PTPRT: variants seen among roughly 807,000 people sequenced by gnomAD.
PTPRT encodes receptor-type tyrosine-protein phosphatase T.
Under a neutral mutation model 176.8 loss-of-function variants are expected in PTPRT, and 56 were observed. The observed-to-expected ratio is 0.32, with a 90% CI of 0.26 to 0.40. PTPRT has a LOEUF of 0.40. PTPRT is among the 10% of genes least tolerant of loss of function. The pLI is 1.00. For missense variants in PTPRT, 1,540 were observed against 1,908.2 expected (o/e 0.81, Z 3.60); for synonymous variants, 783 against 739.0 (o/e 1.06, Z -0.96).
At chr20:42,561,307 T>A (rs916949894) in intron 7 of PTPRT, among the ~76,000 whole-genome samples, 2 of 152,170 alleles carry the variant, frequency 1.3e-5, no homozygotes, top group African/African-American at 4.8e-5. Flanking sequence ...AGTCCCTGCA[T>A]AGGGCTGAGG....
intron 27 of PTPRT, among the ~76,000 whole-genome samples, chr20:42,086,180 C>G (rs1200690708): frequency 6.6e-6 from 1 of 152,098 alleles, no homozygotes. Context: ...CTCGGGTGAT[C>G]CACCTGTCCC....
At chr20:42,197,373 C>A (rs1405363199) in intron 16 of PTPRT, among the ~76,000 whole-genome samples, 6 of 27,646 alleles carry the variant, frequency 2.2e-4, no homozygotes, top group Non-Finnish European at 3.3e-4. Context: ...AGTGAGACTC[C>A]ATCAAAAAAA....
At chr20:42,495,417 G>A (rs1486203092) in intron 7 of PTPRT, among the ~76,000 whole-genome samples, 1 of 152,138 alleles carries the variant, frequency 6.6e-6, no homozygotes, top group Non-Finnish European at 1.5e-5. Flanking sequence ...GGGCTGGAAA[G>A]TGGAGGAGTC....
chr20:42,170,591 CT>C (rs1486419318), intron 16 of PTPRT, among the ~76,000 whole-genome samples: 2 of 152,068 alleles, frequency 1.3e-5, no homozygotes, highest in Non-Finnish European at 2.9e-5. Flanking sequence ...AAGCAACAGG[CT>C]TGTGGAGAAT....
At chr20:42,162,073 T>C (rs1251153802) in intron 16 of PTPRT, among the ~76,000 whole-genome samples, 1 of 152,154 alleles carries the variant, frequency 6.6e-6, no homozygotes, top group African/African-American at 2.4e-5. Flanking sequence ...CTGGGAAGAA[T>C]TGGGGCTAGT....
chr20:42,052,061 G>A, the PTPRT span, among the ~76,000 whole-genome samples: 2 of 152,268 alleles, frequency 1.3e-5, no homozygotes, highest in African/African-American at 2.4e-5. Flanking sequence ...TTAGACTCCC[G>A]GTGCTGACTG....
At chr20:42,525,860 C>T (rs1302522340) in intron 7 of PTPRT, among the ~76,000 whole-genome samples, 1 of 152,110 alleles carries the variant, frequency 6.6e-6, no homozygotes, top group Non-Finnish European at 1.5e-5. Context: ...GGACCATATT[C>T]CTGAAATTGT....
rs1297513655 is a variant in PTPRT at position 42,074,724 on chromosome 20, CT to C, written c.*6154del. On this transcript the variant is annotated 3_prime_UTR_variant, in exon 31 of 31. Coordinates refer to ENST00000373187, the MANE Select transcript of PTPRT (RefSeq NM_007050.6). ...AGTGTTGATGCCTCCTTTTAGAGAC[CT>C]AACATTCATGAGTGGATTTCAGTTG... The C allele has an allele frequency of 2.5e-6, 1 of 398,370 alleles. No individual in the cohort carries two copies. The highest frequency in any genetic ancestry group is 2.1e-5 in the African/African-American group (1 of 48,580). 24.7% of individuals were successfully genotyped at this position (398,370 alleles called of 1,614,324 possible). A position where few individuals can be genotyped will look rare whatever the true frequency, so the allele number is the denominator to read the frequency against.
chr20:42,872,730 A>G (rs2078866479), intron 2 of PTPRT, among the ~76,000 whole-genome samples: 1 of 152,222 alleles, frequency 6.6e-6, no homozygotes, highest in Non-Finnish European at 1.5e-5. Flanking sequence ...AGGTCCAGGG[A>G]GGGATGATGT....
At position 42,076,733 on chromosome 20, in the gene PTPRT, C is replaced by A; in HGVS notation, c.*4146G>T. The A allele has an allele frequency of 5.0e-6, 1 of 198,480 alleles. No homozygotes were observed. 12.3% of individuals were successfully genotyped at this position (198,480 alleles called of 1,614,324 possible). The stretch of plus-strand genomic sequence containing the variant: ...ACAGAACAACATGAGGAACAGAGCA[C>A]ATTTTTTTTTGAAATATTCATAGAG... On this transcript the variant is annotated 3_prime_UTR_variant, in exon 31 of 31. Transcript: ENST00000373187.
intron 1 of PTPRT, among the ~76,000 whole-genome samples, chr20:43,080,133 C>A (rs532505159): frequency 6.6e-6 from 1 of 152,342 alleles, no homozygotes; most frequent in East Asian, 1.9e-4. Context: ...TGACATCAGA[C>A]TTGGCCATGT....
chr20:42,041,228 G>C, the PTPRT span, among the ~76,000 whole-genome samples: 2 of 152,022 alleles, frequency 1.3e-5, no homozygotes, highest in Non-Finnish European at 2.9e-5. Context: ...TTCTCTCTCC[G>C]GCCCTGTGAC....
intron 7 of PTPRT, among the ~76,000 whole-genome samples, chr20:42,530,537 T>C (rs750070546): frequency 1.3e-5 from 2 of 152,230 alleles, no homozygotes; most frequent in African/African-American, 2.4e-5. Context: ...AGGAAGTGGC[T>C]TTTGGGATCA....
intron 7 of PTPRT, among the ~76,000 whole-genome samples, chr20:42,621,304 C>A (rs770012163): frequency 1.2e-4 from 18 of 152,206 alleles, no homozygotes; most frequent in Non-Finnish European, 2.2e-4. Context: ...TGGCTCCTTT[C>A]CATTAGCATT....
intron 11 of PTPRT, among the ~76,000 whole-genome samples, chr20:42,330,416 C>G (rs1460870820): frequency 6.6e-6 from 1 of 152,062 alleles, no homozygotes; most frequent in Non-Finnish European, 1.5e-5. Flanking sequence ...GCAGAGGTTA[C>G]AGTGAGCCAG....
In PTPRT at chr20:42,770,850, C is replaced by G. The variant is rs1600719236; in HGVS notation, c.684+585G>C. Among the ~76,000 whole-genome samples the G allele has an allele frequency of 2.0e-5, 3 of 152,284 alleles. No homozygotes were observed. The East Asian group carries it at 5.8e-4, about 29-fold the overall frequency. On this transcript the variant is annotated intron_variant, in intron 5 of 30. Transcript: ENST00000373187. ...ATAGTTACAAATTCTAGTTCTGGAA[C>G]TTTTAGGTTTTGGTCTGGGTTTCTG...
intron 7 of PTPRT, among the ~76,000 whole-genome samples, chr20:42,631,038 G>A (rs917708781): frequency 1.3e-5 from 2 of 152,048 alleles, no homozygotes; most frequent in Non-Finnish European, 2.9e-5. Context: ...AAAAATCCTC[G>A]CCTAATAAAA....
intron 6 of PTPRT, among the ~76,000 whole-genome samples, chr20:42,678,405 A>G (rs1460986622): frequency 6.6e-6 from 1 of 152,102 alleles, no homozygotes; most frequent in Non-Finnish European, 1.5e-5. Flanking sequence ...GGTTCAAGCA[A>G]TTCTCATGCC....
chr20:42,165,597 G>A (rs988111279), intron 16 of PTPRT, among the ~76,000 whole-genome samples: 8 of 152,256 alleles, frequency 5.3e-5, no homozygotes, highest in African/African-American at 1.9e-4. Context: ...CAATGGAAGT[G>A]TTCTACATCT....
Sources: allele counts gnomAD v4.1 joint callset (sites outside exome capture counted in the v4.1 genomes callset), GRCh38; gene constraint gnomAD v4.1.1; transcripts MANE v1.5; gene names NCBI Gene and HGNC (gene_info 2026-07-23, HGNC 2026-07-21).